Variants in NUBPL observed in about 807,000 individuals in gnomAD.
NUBPL encodes iron-sulfur cluster transfer protein NUBPL.
In NUBPL, 31 loss-of-function variants were observed where a neutral mutation model predicts 45.7. The ratio of observed to expected loss-of-function variants is 0.68; its 90% CI spans 0.51 to 0.92. NUBPL has a LOEUF of 0.92. Among genes scored for constraint, NUBPL ranks in the 40% least tolerant of loss-of-function variants. The pLI is 0.00. For synonymous variants in NUBPL, 144 were observed against 140.9 expected (o/e 1.02, Z -0.15); for missense variants, 401 against 398.7 (o/e 1.01, Z -0.05).
intron 3 of NUBPL, among the ~76,000 whole-genome samples, chr14:31,574,901 C>CAA (rs35346255): frequency 0.33 from 49,906 of 151,754 alleles, 8,469 homozygotes; most frequent in South Asian, 0.41. Context: ...ATTCTTTTAG[C>CAA]AACTTATTTT....
chr14:31,643,608 TTTCTTTTTGTTGTG>T, intron 4 of NUBPL, among the ~76,000 whole-genome samples: 1 of 152,290 alleles, frequency 6.6e-6, no homozygotes, highest in Non-Finnish European at 1.5e-5. Context: ...GGTCTATAGT[TTTCTTTTTGTTGTG>T]TTCTTGTTTT....
intron 6 of NUBPL, among the ~76,000 whole-genome samples, chr14:31,734,567 CT>C (rs917364029): frequency 2.6e-5 from 4 of 152,110 alleles, no homozygotes; most frequent in African/African-American, 9.7e-5. Context: ...ATTTAAGACT[CT>C]AGCTTTTTAG....
At chr14:31,660,178 A>G (rs2036234910) in intron 4 of NUBPL, among the ~76,000 whole-genome samples, 1 of 152,086 alleles carries the variant, frequency 6.6e-6, no homozygotes. Flanking sequence ...GTCCAGGTTG[A>G]TGGCTCAAGT....
At chr14:31,672,092 A>G (rs1432917741) in intron 4 of NUBPL, among the ~76,000 whole-genome samples, 1 of 152,184 alleles carries the variant, frequency 6.6e-6, no homozygotes, top group African/African-American at 2.4e-5. Flanking sequence ...TTTGTTGACT[A>G]TATAAAGGAT....
intron 4 of NUBPL, among the ~76,000 whole-genome samples, chr14:31,666,777 T>G (rs2036440734): frequency 6.6e-6 from 1 of 152,148 alleles, no homozygotes; most frequent in Non-Finnish European, 1.5e-5. Context: ...CTTTTGCTTG[T>G]CTCTAAAGGT....
At chr14:31,758,336 C>T (rs913448060) in intron 6 of NUBPL, among the ~76,000 whole-genome samples, 1 of 152,104 alleles carries the variant, frequency 6.6e-6, no homozygotes, top group Non-Finnish European at 1.5e-5. Context: ...ATATATAGTA[C>T]AATTGCCTAG....
At chr14:31,675,384 A>G (rs971928345) in intron 6 of NUBPL, among the ~76,000 whole-genome samples, 2 of 152,228 alleles carry the variant, frequency 1.3e-5, no homozygotes, top group Non-Finnish European at 1.5e-5. Context: ...TGATCATCAG[A>G]GCTAAGGAGT....
intron 7 of NUBPL, among the ~76,000 whole-genome samples, chr14:31,802,643 T>A (rs1358902095): frequency 6.6e-6 from 1 of 152,180 alleles, no homozygotes; most frequent in Non-Finnish European, 1.5e-5. Context: ...TGCCATGCCC[T>A]TGGACTTCCC....
intron 9 of NUBPL, among the ~76,000 whole-genome samples, chr14:31,849,597 A>G (rs2040506632): frequency 6.6e-6 from 1 of 152,220 alleles, no homozygotes; most frequent in Non-Finnish European, 1.5e-5. Context: ...TAAGAGAAAA[A>G]TAATTCTGTC....
chr14:31,651,703 C>A (rs1337303763), intron 4 of NUBPL, among the ~76,000 whole-genome samples: 1 of 151,912 alleles, frequency 6.6e-6, no homozygotes, highest in Non-Finnish European at 1.5e-5. Context: ...TCGAGACAAT[C>A]CTGGCTAACA....
At chr14:31,608,018 A>G (rs192555082) in intron 4 of NUBPL, among the ~76,000 whole-genome samples, 1 of 152,322 alleles carries the variant, frequency 6.6e-6, no homozygotes, top group Admixed American at 6.5e-5. Flanking sequence ...ATGACATACA[A>G]TGGAGCTCCA....
intron 6 of NUBPL, among the ~76,000 whole-genome samples, chr14:31,706,074 G>A (rs891868128): frequency 1.3e-5 from 2 of 152,162 alleles, no homozygotes; most frequent in Non-Finnish European, 2.9e-5. Context: ...AGGGCTCCTC[G>A]AGCACAGCCA....
intron 7 of NUBPL, among the ~76,000 whole-genome samples, chr14:31,791,909 G>A (rs560309310): frequency 5.9e-5 from 9 of 152,228 alleles, no homozygotes; most frequent in South Asian, 2.1e-4. Context: ...GTACCGCGGC[G>A]ATTGCCTGTT....
At chr14:31,563,663 A>T (rs1460614492) in intron 2 of NUBPL, among the ~76,000 whole-genome samples, 1 of 152,186 alleles carries the variant, frequency 6.6e-6, no homozygotes, top group African/African-American at 2.4e-5. Flanking sequence ...TCCCATTTGA[A>T]TATACATGCT....
rs1279014940 is a variant in NUBPL at position 31,645,783 on chromosome 14, C to CCG, written c.383-27571_383-27570insGC. Among the ~76,000 whole-genome samples the CCG allele has an allele frequency of 2.2e-5, 3 of 137,554 alleles. No individual in the cohort carries two copies. The East Asian group carries it at 7.2e-4, about 33-fold the overall frequency. 90.2% of individuals were successfully genotyped at this position (137,554 alleles called of 152,430 possible). On this transcript the variant is annotated intron_variant, in intron 4 of 10. Transcript: ENST00000281081. ...AACTTCTATACTTTACACCCCCCCC[C>CCG]CCACATTTTGACTTTTGTTGTGTCA...
intron 1 of NUBPL, chr14:31,561,784 T>C (rs2033288566): frequency 6.8e-6 from 4 of 584,450 alleles, no homozygotes; most frequent in Admixed American, 6.5e-5. Context: ...ATTTATCAAA[T>C]AGATTGAAGA....
intron 9 of NUBPL, among the ~76,000 whole-genome samples, chr14:31,848,767 A>T (rs1566597313): frequency 6.6e-6 from 1 of 152,182 alleles, no homozygotes; most frequent in African/African-American, 2.4e-5. Context: ...CTGTGTCTGT[A>T]GGTAGGATTG....
At chr14:31,757,466 C>T (rs955780507) in intron 6 of NUBPL, among the ~76,000 whole-genome samples, 6 of 151,758 alleles carry the variant, frequency 4.0e-5, no homozygotes, top group African/African-American at 1.5e-4. Context: ...CCATTTCTTC[C>T]AGATTTTCTA....
chr14:31,585,839 G>T (rs748354646), intron 3 of NUBPL, among the ~76,000 whole-genome samples: 1 of 152,170 alleles, frequency 6.6e-6, no homozygotes, highest in Non-Finnish European at 1.5e-5. Context: ...TTTACTGGCT[G>T]ACATAGAATT....
Sources: allele counts gnomAD v4.1 joint callset (sites outside exome capture counted in the v4.1 genomes callset), GRCh38; gene constraint gnomAD v4.1.1; transcripts MANE v1.5; gene names NCBI Gene and HGNC (gene_info 2026-07-23, HGNC 2026-07-21).